KCNC4: variants seen among roughly 807,000 people sequenced by gnomAD.
KCNC4 encodes voltage-gated potassium channel KCNC4.
In KCNC4, 23 loss-of-function variants were observed where a neutral mutation model predicts 42.8. That is an observed-to-expected ratio of 0.54 (90% CI 0.39 to 0.76). The LOEUF is 0.76. Ranked by LOEUF, KCNC4 falls within the 30% of genes least tolerant of loss-of-function variation. The pLI is 0.00. For synonymous variants in KCNC4, 422 were observed against 393.5 expected (o/e 1.07, Z -0.86); for missense variants, 751 against 898.2 (o/e 0.84, Z 2.10).
intron 1 of KCNC4, among the ~76,000 whole-genome samples, chr1:110,258,944 A>G (rs892365562): frequency 6.6e-6 from 1 of 152,282 alleles, no homozygotes; most frequent in Non-Finnish European, 1.5e-5. Flanking sequence ...GCTGAAATCC[A>G]ATGCCCTCAG....
chr1:110,230,671 G>T (rs930877751), intron 3 of KCNC4, among the ~76,000 whole-genome samples: 10 of 152,204 alleles, frequency 6.6e-5, no homozygotes, highest in Non-Finnish European at 1.0e-4. Context: ...CCAGGCTGGA[G>T]CCCTAATGCC....
Position 110,223,999 on chromosome 1 carries a change from T to G in KCNC4, c.1615+99T>G. The G allele has an allele frequency of 1.0e-6, 1 of 957,008 alleles. No individual in the cohort carries two copies. The highest frequency in any genetic ancestry group is 1.6e-6 in the Non-Finnish European group (1 of 643,526). 59.3% of individuals were successfully genotyped at this position (957,008 alleles called of 1,614,324 possible). ...CTTGGGATTTGGCATGTGTTTTGTG[T>G]GGGGCTTCCCTAAGCATAAAGATGT... On this transcript the variant is annotated intron_variant, in intron 2 of 3. Transcript: ENST00000438661. The surrounding 1 kb of genome is among the most constrained non-coding windows in gnomAD (Gnocchi z 7.5).
Position 110,226,263 on chromosome 1 carries a change from CT to C in KCNC4, c.1819+86del. 5 of 1,184,566 alleles carry C rather than the reference CT, an allele frequency of 4.2e-6. No individual in the cohort carries two copies. In the Admixed American group the frequency reaches 5.4e-5, roughly 13 times the overall value. 73.4% of individuals were successfully genotyped at this position (1,184,566 alleles called of 1,614,324 possible). On this transcript the variant is annotated intron_variant, in intron 3 of 3. Coordinates refer to ENST00000438661, the MANE Select transcript of KCNC4 (RefSeq NM_001039574.3). ...CCCACCAAGAGCCTGAGGTCCCCCC[CT>C]CCCCTGAGACCGTGGCCGCCATCTC...
chr1:110,276,790 G>A (rs1659734655), intron 1 of KCNC4, among the ~76,000 whole-genome samples: 1 of 152,158 alleles, frequency 6.6e-6, no homozygotes, highest in South Asian at 2.1e-4. Context: ...AGCCCCAGGA[G>A]CTTAGTATCT....
At chr1:110,277,134 A>T (rs576393023) in intron 1 of KCNC4, among the ~76,000 whole-genome samples, 3 of 152,388 alleles carry the variant, frequency 2.0e-5, no homozygotes, top group African/African-American at 7.2e-5. Flanking sequence ...ACTTAGGCTT[A>T]CTTGATAGGG....
Position 110,212,039 on chromosome 1 carries a change from T to G in KCNC4, c.540T>G (p.Asp180Glu). The change falls in exon 1 of 4, where the codon GAT becomes GAG. Residue 180 changes from aspartate to glutamate, a missense_variant. This residue lies in a region of KCNC4 where 181 missense variants were observed against 167.3 expected (regional missense o/e 1.08). Transcript: ENST00000438661. ...GAGPSDEAGD[D>E]ERELALQRLG... The stretch of plus-strand genomic sequence containing the variant: ...GGCCCAGCGACGAGGCCGGCGACGA[T>G]GAGCGGGAGCTGGCCCTGCAGCGAC... The G allele has an allele frequency of 6.3e-7, 1 of 1,583,826 alleles. No individual in the cohort carries two copies. Among genetic ancestry groups the G allele is most frequent in the Non-Finnish European group, 8.6e-7 (1 of 1,166,942 alleles).
intron 3 of KCNC4, chr1:110,232,360 A>AT: frequency 6.3e-7 from 1 of 1,590,002 alleles, no homozygotes; most frequent in Non-Finnish European, 8.6e-7. Context: ...CTTCTTCACC[A>AT]GCTCCTTGGG....
intron 1 of KCNC4, among the ~76,000 whole-genome samples, chr1:110,214,219 T>G (rs1333170771): frequency 6.6e-6 from 1 of 152,216 alleles, no homozygotes; most frequent in Non-Finnish European, 1.5e-5. Context: ...GCAAGGTTAA[T>G]TCTTCCATTT....
intron 1 of KCNC4, chr1:110,222,464 C>G (rs1658151650): frequency 6.4e-6 from 1 of 156,770 alleles, no homozygotes; most frequent in Non-Finnish European, 1.4e-5. Flanking sequence ...GACCAGAGAC[C>G]TAATGCTTCT....
chr1:110,254,101 C>G (rs5777008), downstream of KCNC4, among the ~76,000 whole-genome samples: 25,015 of 110,608 alleles, frequency 0.23, 3,582 homozygotes, highest in African/African-American at 0.34. Context: ...GGGGGGGGGG[C>G]GGCGTTTCTG....
intron 2 of KCNC4, 151 bp from the exon 3 acceptor site, chr1:110,225,823 TC>T (rs769675514): frequency 1.2e-5 from 8 of 695,400 alleles, no homozygotes; most frequent in African/African-American, 1.8e-5. Context: ...TGCCCTCTGC[TC>T]CCCGGCTCTG....
At chr1:110,216,818 A>T (rs2603593) in intron 1 of KCNC4, among the ~76,000 whole-genome samples, 60,056 of 152,010 alleles carry the variant, frequency 0.4, 13,686 homozygotes, top group Non-Finnish European at 0.52. Flanking sequence ...AGGGGTGGTC[A>T]CCTGGCCCCT....
chr1:110,233,106 C>T lies in KCNC4; in HGVS notation c.*134C>T, dbSNP rs978945439. On this transcript the variant is annotated 3_prime_UTR_variant, in exon 4 of 4. Transcript: ENST00000438661. ...TGTTTGCACAGGACTGGTGGAAAATCTCCCATGCGACCCTCGGGGCCCAGA... is the reference window on the plus strand; with the variant it reads ...TGTTTGCACAGGACTGGTGGAAAATTTCCCATGCGACCCTCGGGGCCCAGA... 3.5e-5 allele frequency: 41 copies of T among 1,176,104 alleles called. No individual in the cohort carries two copies. The highest frequency in any genetic ancestry group is 4.5e-5 in the Non-Finnish European group (37 of 831,012). The allele number at this position is 1,176,104 out of a possible 1,614,324, so 72.9% of individuals were successfully genotyped here.
chr1:110,258,838 C>A (rs1452352442), intron 1 of KCNC4, among the ~76,000 whole-genome samples: 1 of 152,160 alleles, frequency 6.6e-6, no homozygotes, highest in Non-Finnish European at 1.5e-5. Context: ...AGAATCACAG[C>A]TTCATGCACA....
chr1:110,254,094 G>GTC (rs1553216653), downstream of KCNC4, among the ~76,000 whole-genome samples: 6 of 131,154 alleles, frequency 4.6e-5, no homozygotes, highest in East Asian at 1.1e-3. Flanking sequence ...AGAAGTCGGG[G>GTC]GGGGGGCGGC....
intron 1 of KCNC4, among the ~76,000 whole-genome samples, chr1:110,270,191 C>G (rs1659613484): frequency 6.6e-6 from 1 of 152,176 alleles, no homozygotes; most frequent in Admixed American, 6.5e-5. Flanking sequence ...GTCCTCACCC[C>G]TTGTTGAAGT....
downstream of KCNC4, among the ~76,000 whole-genome samples, chr1:110,283,307 G>A (rs1353800846): frequency 1.4e-4 from 22 of 152,068 alleles, no homozygotes; most frequent in Admixed American, 1.4e-3. Context: ...GCATTTTGGT[G>A]GGGTCAAACT....
At chr1:110,244,681 G>C (rs907485388) in exon 4 of KCNC4, 1 of 152,256 alleles carries the variant, frequency 6.6e-6, no homozygotes, top group Admixed American at 6.5e-5. Flanking sequence ...GAGCCAAGTG[G>C]CCCCCAGAGC....
At position 110,211,832 on chromosome 1, in the gene KCNC4, C is replaced by T. The variant is rs1461156168; in HGVS notation, c.333C>T (p.Arg111=). 3.7e-6 allele frequency: 6 copies of T among 1,611,660 alleles called. No homozygotes were observed. In the South Asian group the frequency reaches 5.5e-5, roughly 15 times the overall value. The change falls in exon 1 of 4, where the codon CGC becomes CGT. Residue 111 remains arginine, a synonymous_variant. Coordinates refer to ENST00000438661, the MANE Select transcript of KCNC4 (RefSeq NM_001039574.3). This position sits in a 1 kb window ranked among gnomAD's most constrained non-coding sequence, Gnocchi z 6.5. ...TCGCCTACGTGCTCAACTACTACCG[C>T]ACCGGCAAGCTGCACTGCCCCGCGG... ...GVFAYVLNYY[R]TGKLHCPADV...
Sources: allele counts gnomAD v4.1 joint callset (sites outside exome capture counted in the v4.1 genomes callset), GRCh38; gene constraint gnomAD v4.1.1; regional missense constraint gnomAD v4.1.1; non-coding constraint Gnocchi (gnomAD v3.1); transcripts MANE v1.5; gene names NCBI Gene and HGNC (gene_info 2026-07-23, HGNC 2026-07-21).